SEMA6D: variants seen among roughly 807,000 people sequenced by gnomAD.
SEMA6D encodes the protein semaphorin-6D.
In SEMA6D, 35 loss-of-function variants were observed where a neutral mutation model predicts 106.6. That is an observed-to-expected ratio of 0.33 (90% CI 0.25 to 0.44). SEMA6D has a LOEUF of 0.44. SEMA6D is among the 20% of genes least tolerant of loss of function. The pLI, the probability that SEMA6D is intolerant of heterozygous loss-of-function variation, is 1.00. For synonymous variants in SEMA6D, 499 were observed against 487.7 expected (o/e 1.02, Z -0.31); for missense variants, 1,185 against 1,345.9 (o/e 0.88, Z 1.87).
intron 2 of SEMA6D, among the ~76,000 whole-genome samples, chr15:47,461,691 C>T (rs902943426): frequency 6.6e-6 from 1 of 152,040 alleles, no homozygotes; most frequent in African/African-American, 2.4e-5. Context: ...TTCAATGAGT[C>T]ATTCTATTTG....
chr15:47,686,015 A>G (rs117048219), intron 4 of SEMA6D, among the ~76,000 whole-genome samples: 1 of 152,236 alleles, frequency 6.6e-6, no homozygotes, highest in African/African-American at 2.4e-5. Flanking sequence ...AGGAATAGAA[A>G]TTAAAACATT....
chr15:47,628,724 C>T (rs182006312), intron 4 of SEMA6D, among the ~76,000 whole-genome samples: 173 of 152,158 alleles, frequency 1.1e-3, no homozygotes, highest in Non-Finnish European at 1.9e-3. Flanking sequence ...TGTACAAGGT[C>T]TTTTGCAGAG....
intron 1 of SEMA6D, among the ~76,000 whole-genome samples, chr15:47,223,262 T>C (rs548862382): frequency 2.0e-5 from 3 of 152,268 alleles, no homozygotes; most frequent in African/African-American, 7.2e-5. Flanking sequence ...ATGTTAATAA[T>C]ATATGCAATT....
intron 1 of SEMA6D, among the ~76,000 whole-genome samples, chr15:47,378,267 C>T (rs1291982581): frequency 4.6e-5 from 7 of 152,126 alleles, no homozygotes; most frequent in Admixed American, 2.0e-4. Flanking sequence ...AAGGCTGAGG[C>T]GGGCGATCAC....
chr15:47,351,773 A>G (rs1224639904), intron 1 of SEMA6D, among the ~76,000 whole-genome samples: 1 of 152,194 alleles, frequency 6.6e-6, no homozygotes, highest in Non-Finnish European at 1.5e-5. Flanking sequence ...CCTCACACAA[A>G]AGTAAGGGTG....
rs554235916 is a variant in SEMA6D at position 47,485,931 on chromosome 15, C to T, written c.-87+15386C>T. On this transcript the variant is annotated intron_variant, in intron 3 of 19. Transcript: ENST00000558014. ...CTTATTTTAAGTCCACAATATTAGACTGTGTTTGTGTAGACAATGAAAGGA... is the reference window on the plus strand; with the variant it reads ...CTTATTTTAAGTCCACAATATTAGATTGTGTTTGTGTAGACAATGAAAGGA... Among the ~76,000 whole-genome samples the T allele has an allele frequency of 1.6e-4, 24 of 152,290 alleles. 1 individual carries two copies. In the South Asian group the frequency reaches 4.8e-3, roughly 30 times the overall value.
intron 1 of SEMA6D, among the ~76,000 whole-genome samples, chr15:47,298,144 A>T (rs1320379041): frequency 2.0e-5 from 3 of 152,284 alleles, no homozygotes; most frequent in East Asian, 3.9e-4. Flanking sequence ...AATGGGAATG[A>T]TGTGGTGAGA....
intron 4 of SEMA6D, among the ~76,000 whole-genome samples, chr15:47,662,179 A>G (rs1038662553): frequency 7.2e-5 from 11 of 152,130 alleles, no homozygotes; most frequent in African/African-American, 1.7e-4. Flanking sequence ...CAGAGATGCA[A>G]TGTTGGAGCG....
chr15:47,430,543 G>C (rs2041488954), intron 2 of SEMA6D, among the ~76,000 whole-genome samples: 1 of 152,010 alleles, frequency 6.6e-6, no homozygotes, highest in Non-Finnish European at 1.5e-5. Flanking sequence ...GGCTAATGTG[G>C]GCTGGGTCTC....
chr15:47,755,988 G>T (rs1212382950), intron 1 of SEMA6D, among the ~76,000 whole-genome samples: 2 of 151,838 alleles, frequency 1.3e-5, no homozygotes, highest in African/African-American at 4.8e-5. Flanking sequence ...TGTCACTCAC[G>T]CCCTGGTTGT....
intron 2 of SEMA6D, among the ~76,000 whole-genome samples, chr15:47,442,434 T>A (rs2041909699): frequency 6.6e-6 from 1 of 152,084 alleles, no homozygotes; most frequent in African/African-American, 2.4e-5. Context: ...GGAAGGAACT[T>A]TAGCCTGCAT....
chr15:47,763,615 A>G (rs191365496), intron 9 of SEMA6D, among the ~76,000 whole-genome samples: 1 of 152,338 alleles, frequency 6.6e-6, no homozygotes, highest in East Asian at 1.9e-4. Context: ...CAAGGCAGAT[A>G]GACAGCTCAC....
chr15:47,441,000 C>T (rs12050589), intron 2 of SEMA6D, among the ~76,000 whole-genome samples: 37,452 of 152,010 alleles, frequency 0.25, 5,531 homozygotes, highest in Middle Eastern at 0.45. Flanking sequence ...CTCCTTCTTC[C>T]TTTTGCCTTT....
At chr15:47,488,797 G>T (rs188025189) in intron 3 of SEMA6D, among the ~76,000 whole-genome samples, 1 of 152,270 alleles carries the variant, frequency 6.6e-6, no homozygotes, top group African/African-American at 2.4e-5. Flanking sequence ...TAAAGGAAGA[G>T]AGGGAGACAG....
chr15:47,257,862 A>G (rs1232764241), intron 1 of SEMA6D, among the ~76,000 whole-genome samples: 2 of 152,136 alleles, frequency 1.3e-5, no homozygotes, highest in Non-Finnish European at 2.9e-5. Context: ...AATGTTCCCA[A>G]CTATAATTGT....
intron 2 of SEMA6D, among the ~76,000 whole-genome samples, chr15:47,464,630 G>A (rs1006079400): frequency 6.6e-6 from 1 of 152,090 alleles, no homozygotes; most frequent in Non-Finnish European, 1.5e-5. Flanking sequence ...TGGTGTGACT[G>A]ATTTAGTCAA....
At chr15:47,360,307 G>C (rs751226219) in intron 1 of SEMA6D, among the ~76,000 whole-genome samples, 1 of 152,182 alleles carries the variant, frequency 6.6e-6, no homozygotes, top group Non-Finnish European at 1.5e-5. Flanking sequence ...TGTTGAGCCT[G>C]CATAGCAGAT....
In SEMA6D at chr15:47,773,459, A is replaced by G. The variant is rs1188747213; in HGVS notation, c.*1674A>G. 1 of 152,670 alleles carries G rather than the reference A, an allele frequency of 6.6e-6. No homozygotes were observed. The highest frequency in any genetic ancestry group is 1.9e-4 in the East Asian group (1 of 5,174). The allele number at this position is 152,670 out of a possible 1,614,324, so 9.5% of individuals were successfully genotyped here. A position where few individuals can be genotyped will look rare whatever the true frequency, so the allele number is the denominator to read the frequency against. On this transcript the variant is annotated 3_prime_UTR_variant, in exon 19 of 19. Transcript: ENST00000536845. ...TGTTTCAGTTAATATGCTGCACACCACACACTTGTTTAGTGAACCAAATCT... is the reference window on the plus strand; with the variant it reads ...TGTTTCAGTTAATATGCTGCACACCGCACACTTGTTTAGTGAACCAAATCT...
At chr15:47,493,800 A>G (rs563593081) in intron 3 of SEMA6D, among the ~76,000 whole-genome samples, 39 of 152,292 alleles carry the variant, frequency 2.6e-4, no homozygotes, top group African/African-American at 9.1e-4. Context: ...GCCTCACTCC[A>G]TAATTCATAC....
Sources: allele counts gnomAD v4.1 joint callset (sites outside exome capture counted in the v4.1 genomes callset), GRCh38; gene constraint gnomAD v4.1.1; transcripts MANE v1.5; gene names NCBI Gene and HGNC (gene_info 2026-07-23, HGNC 2026-07-21).